The following AMPH variants were observed in gnomAD, a reference collection of about 807,000 sequenced individuals.
AMPH encodes amphiphysin.
Under a neutral mutation model 99.1 loss-of-function variants are expected in AMPH, and 49 were observed. The ratio of observed to expected loss-of-function variants is 0.49; its 90% CI spans 0.39 to 0.63. The LOEUF is 0.63. Among genes scored for constraint, AMPH ranks in the 20% least tolerant of loss-of-function variants. The pLI is 0.00. For synonymous variants in AMPH, 314 were observed against 317.3 expected (o/e 0.99, Z 0.11); for missense variants, 759 against 863.4 (o/e 0.88, Z 1.52).
At chr7:38,554,907 A>G (rs1201629124) in intron 1 of AMPH, among the ~76,000 whole-genome samples, 1 of 152,240 alleles carries the variant, frequency 6.6e-6, no homozygotes, top group African/African-American at 2.4e-5. Flanking sequence ...CTTAACCTGC[A>G]TAAGGTTAAG....
At chr7:38,618,777 A>G (rs1257459544) in intron 1 of AMPH, among the ~76,000 whole-genome samples, 1 of 152,232 alleles carries the variant, frequency 6.6e-6, no homozygotes, top group Non-Finnish European at 1.5e-5. Context: ...AGGGAATTAA[A>G]AGACCACACA....
chr7:38,523,192 A>G (rs1227078169), intron 2 of AMPH, among the ~76,000 whole-genome samples: 2 of 152,026 alleles, frequency 1.3e-5, no homozygotes, highest in Non-Finnish European at 2.9e-5. Context: ...GGTTTCAGAT[A>G]GATAGATAAT....
chr7:38,413,537 G>C (rs2128985453), intron 17 of AMPH, among the ~76,000 whole-genome samples: 1 of 152,262 alleles, frequency 6.6e-6, no homozygotes, highest in Non-Finnish European at 1.5e-5. Flanking sequence ...TTGGTATCAT[G>C]AACAAGAGAG....
intron 1 of AMPH, among the ~76,000 whole-genome samples, chr7:38,559,311 G>A (rs558607555): frequency 7.2e-5 from 11 of 152,334 alleles, no homozygotes; most frequent in South Asian, 2.1e-4. Context: ...CAGCTCACCC[G>A]CACAAGGTGA....
chr7:38,494,070 C>T (rs893083607), intron 4 of AMPH, among the ~76,000 whole-genome samples: 3 of 152,152 alleles, frequency 2.0e-5, no homozygotes, highest in Admixed American at 2.0e-4. Flanking sequence ...AATTCTCCTG[C>T]CTCAGCTTCC....
chr7:38,588,580 A>T (rs1179619808), intron 1 of AMPH, among the ~76,000 whole-genome samples: 2 of 152,194 alleles, frequency 1.3e-5, no homozygotes, highest in Non-Finnish European at 2.9e-5. Flanking sequence ...GCCTGTCAAG[A>T]TGTAAAACTC....
chr7:38,563,164 T>TG (rs1289302203), intron 1 of AMPH, among the ~76,000 whole-genome samples: 2 of 152,114 alleles, frequency 1.3e-5, no homozygotes, highest in African/African-American at 4.8e-5. Flanking sequence ...AATGAATGAA[T>TG]GAGTGAATGG....
At chr7:38,503,260 C>T (rs1194299880) in intron 3 of AMPH, among the ~76,000 whole-genome samples, 1 of 152,188 alleles carries the variant, frequency 6.6e-6, no homozygotes, top group Non-Finnish European at 1.5e-5. Flanking sequence ...CATGTCTTGC[C>T]CCTTCCAGTG....
chr7:38,565,649 G>A (rs7790089), intron 1 of AMPH, among the ~76,000 whole-genome samples: 18,700 of 149,180 alleles, frequency 0.13, 1,215 homozygotes, highest in African/African-American at 0.17. Context: ...ATTCTGAGGT[G>A]CTAGGGGTTA....
intron 2 of AMPH, among the ~76,000 whole-genome samples, chr7:38,528,403 A>G (rs956685276): frequency 5.9e-5 from 9 of 152,148 alleles, no homozygotes; most frequent in Admixed American, 5.2e-4. Flanking sequence ...TCACAAATCC[A>G]CTTTCTTTAA....
chr7:38,591,660 G>T (rs1411982086), intron 1 of AMPH, among the ~76,000 whole-genome samples: 3 of 152,084 alleles, frequency 2.0e-5, no homozygotes, highest in Admixed American at 6.6e-5. Flanking sequence ...ATTCTGCAAA[G>T]TTCCCCCAAA....
intron 1 of AMPH, among the ~76,000 whole-genome samples, chr7:38,581,935 A>G (rs1472383839): frequency 6.6e-6 from 1 of 152,130 alleles, no homozygotes; most frequent in East Asian, 1.9e-4. Context: ...TTTTTCATGC[A>G]CTAAGTTTGA....
intron 11 of AMPH, among the ~76,000 whole-genome samples, chr7:38,448,200 T>C (rs1182908652): frequency 6.6e-6 from 1 of 152,210 alleles, no homozygotes; most frequent in Non-Finnish European, 1.5e-5. Context: ...TCCAGATGGG[T>C]ACATTACAGT....
At chr7:38,581,559 T>C (rs1792464154) in intron 1 of AMPH, among the ~76,000 whole-genome samples, 1 of 152,116 alleles carries the variant, frequency 6.6e-6, no homozygotes, top group South Asian at 2.1e-4. Context: ...ACATGAAAAG[T>C]TGCTGATATG....
intron 2 of AMPH, among the ~76,000 whole-genome samples, chr7:38,523,094 G>A (rs1004920053): frequency 4.9e-5 from 7 of 143,734 alleles, no homozygotes; most frequent in Non-Finnish European, 1.1e-4. Context: ...GGCAACAAGA[G>A]TGAAACTCTG....
Position 38,463,004 on chromosome 7 carries a change from C to T in AMPH, c.859G>A (p.Ala287Thr), listed in dbSNP as rs368302578. The part of the protein sequence containing the change: ...PNHTLAPASP[A>T]PARPRSPSQT... ...GAAGGTGACCGAGGCCGTGCTGGTG[C>T]GGGAGACGCAGGTGCTAATGTATGA... The change falls in exon 10 of 21, where the codon GCA becomes ACA. Residue 287 changes from alanine (A) to threonine (T), a missense_variant. Physicochemically the swap from Ala to Thr is moderately conservative, Grantham distance 58. This residue lies in a region of AMPH where 554 missense variants were observed against 575.6 expected (regional missense o/e 0.96). Transcript: ENST00000356264. 46 of 1,596,438 alleles carry T rather than the reference C, an allele frequency of 2.9e-5. No homozygotes were observed. Among genetic ancestry groups the T allele is most frequent in the Admixed American group, 6.8e-5 (4 of 58,754 alleles).
intron 1 of AMPH, among the ~76,000 whole-genome samples, chr7:38,553,845 G>A (rs1791265056): frequency 6.6e-6 from 1 of 152,200 alleles, no homozygotes; most frequent in Admixed American, 6.5e-5. Context: ...GGCTAAAAAA[G>A]AGTTTGGTTT....
intron 1 of AMPH, among the ~76,000 whole-genome samples, chr7:38,562,755 G>C (rs1391320086): frequency 6.6e-6 from 1 of 152,190 alleles, no homozygotes; most frequent in African/African-American, 2.4e-5. Context: ...TATTTGTGAT[G>C]TGCCATTATT....
intron 17 of AMPH, 40 bp from the exon 18 acceptor site, chr7:38,394,254 T>C (rs749883832): frequency 1.2e-6 from 2 of 1,603,080 alleles, no homozygotes; most frequent in Non-Finnish European, 1.7e-6. Context: ...TGCATCTCCA[T>C]GGGCCTCTGC....
Sources: gnomAD v4.1 joint callset for allele counts (sites outside exome capture counted in the v4.1 genomes callset) on GRCh38, gnomAD v4.1.1 for gene constraint, gnomAD v4.1.1 regional missense constraint, MANE v1.5 for transcripts, NCBI Gene and HGNC (gene_info 2026-07-23, HGNC 2026-07-21) for gene names.